The following C7 variants were observed in gnomAD, a reference collection of about 807,000 sequenced individuals.
C7 encodes the protein complement component C7.
C7 carries 83 observed loss-of-function variants against 104.8 expected under a neutral mutation model. The ratio of observed to expected loss-of-function variants is 0.79; its 90% CI spans 0.66 to 0.95. C7 has a LOEUF of 0.95. Among genes scored for constraint, C7 ranks in the 40% least tolerant of loss-of-function variants. C7 has a pLI of 0.00. For synonymous variants in C7, 415 were observed against 360.6 expected (o/e 1.15, Z -1.71); for missense variants, 1,070 against 1,011.2 (o/e 1.06, Z -0.79).
intron 3 of C7, among the ~76,000 whole-genome samples, chr5:40,933,539 T>A (rs1485854159): frequency 1.3e-5 from 2 of 152,222 alleles, no homozygotes; most frequent in Admixed American, 6.5e-5. Context: ...TGATAATTTC[T>A]TCAGTTTTCC....
intron 6 of C7, among the ~76,000 whole-genome samples, chr5:40,943,430 A>C (rs1266502067): frequency 6.6e-6 from 1 of 152,222 alleles, no homozygotes; most frequent in African/African-American, 2.4e-5. Flanking sequence ...TAATAAGACC[A>C]CACCACTTTG....
At chr5:40,974,421 A>T (rs1561260422) in intron 15 of C7, among the ~76,000 whole-genome samples, 4 of 143,062 alleles carry the variant, frequency 2.8e-5, no homozygotes, top group Non-Finnish European at 1.5e-5. Flanking sequence ...ATTATAATAC[A>T]TTTTTTTTTT....
At chr5:40,913,929 T>G (rs1199106881) in intron 1 of C7, among the ~76,000 whole-genome samples, 1 of 152,180 alleles carries the variant, frequency 6.6e-6, no homozygotes, top group Non-Finnish European at 1.5e-5. Flanking sequence ...TTTGCCCGCC[T>G]CAGCCTCCCA....
At position 40,979,937 on chromosome 5, in the gene C7, T is replaced by C. The variant is rs532276652; in HGVS notation, c.2350+28T>C. 2.0e-6 allele frequency: 3 copies of C among 1,535,948 alleles called. No homozygotes were observed. In the South Asian group the frequency reaches 3.8e-5, roughly 19 times the overall value. ...AAGGGGCCTTTCATATTTGTAAGTATAAGAATGCTAAAGTCACAGTACTGA... is the reference window on the plus strand; with the variant it reads ...AAGGGGCCTTTCATATTTGTAAGTACAAGAATGCTAAAGTCACAGTACTGA... On this transcript the variant is annotated intron_variant, in intron 17 of 17. Transcript: ENST00000313164.
chr5:40,978,897 T>G (rs996385868), intron 16 of C7, among the ~76,000 whole-genome samples: 3 of 116,226 alleles, frequency 2.6e-5, no homozygotes, highest in South Asian at 2.9e-4. Flanking sequence ...TTTTTTTTTT[T>G]GGGACACAGT....
rs1386445761 is a variant in C7, at chr5:40,945,317, A to T, written c.687A>T (p.Ser229=). 2 of 1,609,884 alleles carry T rather than the reference A, an allele frequency of 1.2e-6. No individual in the cohort carries two copies. Among genetic ancestry groups the T allele is most frequent in the East Asian group, 2.2e-5 (1 of 44,680 alleles). ...AGCGCTCCTTTTTTAGATCTTCATC[A>T]TCTTCTTCACGCAGTTATACTTCAC... ...SRKRSFFRSS[S]SSSRSYTSHT... The change falls in exon 7 of 18, where the codon TCA becomes TCT. Residue 229 remains serine, a synonymous_variant. Coordinates refer to ENST00000313164, the MANE Select transcript of C7 (RefSeq NM_000587.4).
chr5:40,918,234 C>T (rs1211858508), intron 1 of C7, among the ~76,000 whole-genome samples: 2 of 151,990 alleles, frequency 1.3e-5, no homozygotes, highest in Admixed American at 1.3e-4. Flanking sequence ...TGGCACGTAC[C>T]TGTGGTCCCA....
rs1740083810 is a variant in C7 at position 40,947,836 on chromosome 5, AAAC to A, written c.976_978del (p.Gln326del). 6.2e-7 allele frequency: 1 copy of A among 1,611,594 alleles called. No homozygotes were observed. The highest frequency in any genetic ancestry group is 1.3e-5 in the African/African-American group (1 of 74,822). ...ATTTTATGTGGACTCAGAAAAATTA[AAAC>A]AAAATGGTACAGTATTAAAAAATTC... On this transcript the variant is annotated inframe_deletion, in exon 8 of 18. Transcript: ENST00000313164.
intron 9 of C7, chr5:40,954,894 A>AG (rs1740254705): frequency 1.1e-5 from 3 of 276,010 alleles, no homozygotes; most frequent in Admixed American, 4.8e-5. Flanking sequence ...AAAAAAAAAA[A>AG]AAAAAAAAAA....
chr5:40,931,285 G>T, intron 3 of C7, 146 bp downstream of exon 3: 1 of 636,204 alleles, frequency 1.6e-6, no homozygotes, highest in East Asian at 2.8e-5. Flanking sequence ...AGAAAAGTAT[G>T]ACTTGTTTAA....
rs369904535 is a variant in C7, at chr5:40,964,764, G to T, written c.1773G>T (p.Val591=). The change falls in exon 14 of 18, where the codon GTG becomes GTT. Residue 591 remains valine (V), a synonymous_variant. Coordinates refer to ENST00000313164, the MANE Select transcript of C7 (RefSeq NM_000587.4). ...FVQDEGTMFP[V]GKNVVYTCNE... Reference sequence around the variant, plus strand: ...AGGATGAAGGTACAATGTTTCCTGTGGGGAAAAATGTAGTGTACACTTGCA... The same window carrying T: ...AGGATGAAGGTACAATGTTTCCTGTTGGGAAAAATGTAGTGTACACTTGCA... The T allele has an allele frequency of 6.2e-7, 1 of 1,612,828 alleles. No individual in the cohort carries two copies. The highest frequency in any genetic ancestry group is 1.3e-5 in the African/African-American group (1 of 74,994).
intron 4 of C7, among the ~76,000 whole-genome samples, chr5:40,935,172 C>T (rs1209426423): frequency 1.3e-5 from 2 of 152,206 alleles, no homozygotes; most frequent in African/African-American, 2.4e-5. Context: ...ATAACCACTC[C>T]TTCAGGAAGC....
intron 1 of C7, among the ~76,000 whole-genome samples, chr5:40,923,289 G>T (rs1039294035): frequency 9.2e-5 from 14 of 152,152 alleles, no homozygotes; most frequent in Non-Finnish European, 1.6e-4. Flanking sequence ...CTGAGACTGG[G>T]TAATTTATAA....
intron 6 of C7, among the ~76,000 whole-genome samples, chr5:40,941,508 TA>T (rs928185470): frequency 3.3e-5 from 5 of 151,730 alleles, no homozygotes; most frequent in Admixed American, 6.6e-5. Context: ...GAGATTGGAT[TA>T]AAAAAAAGAG....
chr5:40,910,452 A>C (rs113217471), intron 1 of C7, among the ~76,000 whole-genome samples: 61 of 152,294 alleles, frequency 4.0e-4, no homozygotes, highest in African/African-American at 1.5e-3. Context: ...ACCGAATCCA[A>C]GCTCGCTCAT....
At chr5:40,916,302 C>T (rs926326670) in intron 1 of C7, among the ~76,000 whole-genome samples, 1 of 152,142 alleles carries the variant, frequency 6.6e-6, no homozygotes, top group African/African-American at 2.4e-5. Context: ...CTTGTGCTAT[C>T]ACATAAAGAT....
chr5:40,953,689 A>G (rs1333285482), intron 9 of C7, among the ~76,000 whole-genome samples: 1 of 151,550 alleles, frequency 6.6e-6, no homozygotes, highest in Non-Finnish European at 1.5e-5. Context: ...TAGCACAGTC[A>G]GGTGGCTATA....
chr5:40,945,186 T>G lies in C7; in HGVS notation c.568-12T>G, dbSNP rs1488222883. On this transcript the variant is annotated splice_polypyrimidine_tract_variant and intron_variant, in intron 6 of 17. Transcript: ENST00000313164. The stretch of plus-strand genomic sequence containing the variant: ...AATTTAGTCATAGCAAAATTTTTCA[T>G]TTTCTTTGTAGGTGAAAATAAATAA... 4 of 1,415,212 alleles carry G rather than the reference T, an allele frequency of 2.8e-6. No individual in the cohort carries two copies. The highest frequency in any genetic ancestry group is 3.8e-6 in the Non-Finnish European group (4 of 1,049,346). 87.7% of individuals were successfully genotyped at this position (1,415,212 alleles called of 1,614,324 possible). A position where few individuals can be genotyped will look rare whatever the true frequency, so the allele number is the denominator to read the frequency against.
intron 9 of C7, 56 bp from the exon 10 acceptor site, chr5:40,955,331 A>T: frequency 6.6e-7 from 1 of 1,515,312 alleles, no homozygotes; most frequent in Non-Finnish European, 8.9e-7. Flanking sequence ...ACAATTTGAT[A>T]GTTTTTTTAA....
Sources: gnomAD v4.1 joint callset for allele counts (sites outside exome capture counted in the v4.1 genomes callset) on GRCh38, gnomAD v4.1.1 for gene constraint, MANE v1.5 for transcripts, NCBI Gene and HGNC (gene_info 2026-07-23, HGNC 2026-07-21) for gene names.